The following PLCXD2 variants were observed in gnomAD, a reference collection of about 807,000 sequenced individuals.
The protein encoded by PLCXD2 is phosphatidylinositol specific phospholipase C X domain containing 2, also known as PI-PLC X domain-containing protein 2.
Under a neutral mutation model 28.6 loss-of-function variants are expected in PLCXD2, and 21 were observed. The observed-to-expected ratio is 0.73, with a 90% confidence interval of 0.52 to 1.06. PLCXD2 has a LOEUF of 1.06. Ranked by LOEUF, PLCXD2 falls within the 50% of genes least tolerant of loss-of-function variation. The pLI is 0.00. For synonymous variants in PLCXD2, 140 were observed against 150.1 expected, an observed-to-expected ratio of 0.93 and a Z score of 0.49; for missense variants, 369 against 376.7, an observed-to-expected ratio of 0.98 and a Z score of 0.17.
chr3:111,718,491 T>TGATAGATA (rs531765923), intron 3 of PLCXD2, among the ~76,000 whole-genome samples: 199 of 137,224 alleles, frequency 1.5e-3, no homozygotes, highest in Middle Eastern at 3.6e-3. Flanking sequence ...GATGGATAGA[T>TGATAGATA]GATAGATAGA....
intron 1 of PLCXD2, among the ~76,000 whole-genome samples, chr3:111,692,935 G>A (rs1006051982): frequency 1.3e-5 from 2 of 152,170 alleles, no homozygotes; most frequent in African/African-American, 4.8e-5. Flanking sequence ...CAGTGGAAGT[G>A]TAGAGTCTGG....
rs558334099 is a variant in PLCXD2, at chr3:111,714,105, C to T, written c.843C>T (p.Gly281=). ...CCATTGCCCGGGGCTTGGTTGGGGGCCTCAAGAACACGCTGGTTCATAGGT... is the reference window on the plus strand; with the variant it reads ...CCATTGCCCGGGGCTTGGTTGGGGGTCTCAAGAACACGCTGGTTCATAGGT... Residue 281 remains glycine, a synonymous_variant, in exon 3 of 5, where the codon GGC becomes GGT. Transcript: ENST00000477665. 3.1e-6 allele frequency: 5 copies of T among 1,614,076 alleles called. No individual in the cohort carries two copies. The highest frequency in any genetic ancestry group is 4.2e-6 in the Non-Finnish European group (5 of 1,180,026).
chr3:111,679,435 T>C (rs1490949066), intron 1 of PLCXD2, among the ~76,000 whole-genome samples: 3 of 152,224 alleles, frequency 2.0e-5, no homozygotes, highest in Non-Finnish European at 4.4e-5. Context: ...TTTTCCCATG[T>C]GAACAACTTG....
chr3:111,714,278 C>T (rs945384893), intron 3 of PLCXD2, 150 bp downstream of exon 3: 23 of 1,048,058 alleles, frequency 2.2e-5, no homozygotes, highest in Non-Finnish European at 2.8e-5. Context: ...GAAAACCATG[C>T]AGTTGAGGTG....
In PLCXD2 at chr3:111,675,189, G is replaced by C; in HGVS notation, c.-57G>C. ...GAAACGTCCACAGAGCCCAAGAAGT[G>C]ATGATCACTGAGTGAGTGGCACTGG... On this transcript the variant is annotated 5_prime_UTR_variant, in exon 1 of 5. Coordinates refer to ENST00000477665, the MANE Select transcript of PLCXD2 (RefSeq NM_001185106.1). The C allele has an allele frequency of 6.4e-7, 1 of 1,572,178 alleles. No homozygotes were observed. Among genetic ancestry groups the C allele is most frequent in the Non-Finnish European group, 8.7e-7 (1 of 1,153,676 alleles).
chr3:111,717,589 T>C (rs561573531), intron 3 of PLCXD2, among the ~76,000 whole-genome samples: 1 of 152,344 alleles, frequency 6.6e-6, no homozygotes, highest in African/African-American at 2.4e-5. Flanking sequence ...TCTTTGTCAC[T>C]GGAAACCACA....
At position 111,675,241 on chromosome 3, in the gene PLCXD2, C is replaced by T. The variant is rs748163544; in HGVS notation, c.-5C>T. 2 of 1,612,990 alleles carry T rather than the reference C, an allele frequency of 1.2e-6. No homozygotes were observed. Among genetic ancestry groups the T allele is most frequent in the African/African-American group, 2.7e-5 (2 of 74,882 alleles). ...CTGAGACTGGCCAGTTTGTTAACAA[C>T]AGGGATGCTAGCAGTTAGGAAGGCC... On this transcript the variant is annotated 5_prime_UTR_variant, in exon 1 of 5. Coordinates refer to ENST00000477665, the MANE Select transcript of PLCXD2 (RefSeq NM_001185106.1).
chr3:111,678,051 G>A (rs748290610), intron 1 of PLCXD2, among the ~76,000 whole-genome samples: 10 of 152,092 alleles, frequency 6.6e-5, no homozygotes, highest in Admixed American at 1.3e-4. Flanking sequence ...GTGATGAGGC[G>A]GGGGACATGG....
At chr3:111,726,325 T>A (rs566574965) in intron 3 of PLCXD2, 1 of 153,404 alleles carries the variant, frequency 6.5e-6, no homozygotes, top group African/African-American at 2.4e-5. Flanking sequence ...TATACCCCAA[T>A]ATAATAATAA....
chr3:111,721,715 G>A (rs560628433), intron 3 of PLCXD2: 1 of 152,274 alleles, frequency 6.6e-6, no homozygotes, highest in East Asian at 1.9e-4. Context: ...TTTCCAGAAT[G>A]GCTGCCAGGT....
intron 2 of PLCXD2, among the ~76,000 whole-genome samples, chr3:111,713,145 A>G (rs1416143864): frequency 1.3e-5 from 2 of 152,240 alleles, no homozygotes; most frequent in Admixed American, 6.5e-5. Flanking sequence ...CAGTTTTGTA[A>G]TTACAGGAGA....
intron 1 of PLCXD2, among the ~76,000 whole-genome samples, chr3:111,694,625 C>T (rs1940935576): frequency 6.6e-6 from 1 of 152,202 alleles, no homozygotes; most frequent in South Asian, 2.1e-4. Context: ...TGCCCCTCAA[C>T]ATGGCTGTAC....
chr3:111,692,360 G>A (rs1317260295), intron 1 of PLCXD2: 1 of 152,562 alleles, frequency 6.6e-6, no homozygotes, highest in Non-Finnish European at 1.5e-5. Context: ...TTAGTTATTA[G>A]GTGAAAAGGT....
In PLCXD2 at chr3:111,708,800, G is replaced by C. The variant is rs145016073; in HGVS notation, c.624+414G>C. Among the ~76,000 whole-genome samples, 360 of 152,260 alleles carry C rather than the reference G, an allele frequency of 2.4e-3. 1 individual carries two copies. The highest frequency in any genetic ancestry group is 2.9e-3 in the Non-Finnish European group (196 of 68,014). ...TCCTGGCCAAGGTATCGACTGATTAGGAAAAGTATTAGCTGACTGAAACAT... is the reference window on the plus strand; with the variant it reads ...TCCTGGCCAAGGTATCGACTGATTACGAAAAGTATTAGCTGACTGAAACAT... On this transcript the variant is annotated intron_variant, in intron 2 of 4. Transcript: ENST00000477665.
intron 1 of PLCXD2, among the ~76,000 whole-genome samples, chr3:111,687,972 C>T (rs1488235373): frequency 2.0e-5 from 3 of 152,166 alleles, no homozygotes; most frequent in African/African-American, 7.2e-5. Flanking sequence ...TGTGCCCAGC[C>T]TTTTCTTATA....
intron 1 of PLCXD2, among the ~76,000 whole-genome samples, chr3:111,695,399 A>G (rs148475090): frequency 6.0e-4 from 92 of 152,310 alleles, no homozygotes; most frequent in African/African-American, 2.0e-3. Context: ...TAATTTATCA[A>G]TTGGGCACAG....
intron 1 of PLCXD2, among the ~76,000 whole-genome samples, chr3:111,694,769 G>A (rs996779709): frequency 6.6e-6 from 1 of 152,114 alleles, no homozygotes; most frequent in Non-Finnish European, 1.5e-5. Context: ...CAGCTAGGCC[G>A]GTGCTCTCTG....
chr3:111,697,931 G>A (rs1225125347), intron 1 of PLCXD2, among the ~76,000 whole-genome samples: 1 of 152,114 alleles, frequency 6.6e-6, no homozygotes. Flanking sequence ...AATTTCAACT[G>A]TAGAATACTA....
intron 3 of PLCXD2, 121 bp downstream of exon 3, chr3:111,714,249 C>CA: frequency 1.5e-6 from 2 of 1,306,322 alleles, no homozygotes; most frequent in Non-Finnish European, 2.0e-6. Flanking sequence ...ACAAAACAAG[C>CA]AAAAAACTTT....
Sources: allele counts gnomAD v4.1 joint callset (sites outside exome capture counted in the v4.1 genomes callset), GRCh38; gene constraint gnomAD v4.1.1; transcripts MANE v1.5; gene names NCBI Gene and HGNC (gene_info 2026-07-23, HGNC 2026-07-21).